XKR9: variants seen among roughly 807,000 people sequenced by gnomAD.
The protein encoded by XKR9 is XK related 9.
In XKR9, 32 loss-of-function variants were observed where a neutral mutation model predicts 32.0. The ratio of observed to expected loss-of-function variants is 1.00; its 90% confidence interval spans 0.76 to 1.34. XKR9 has a LOEUF of 1.34. Ranked by LOEUF, XKR9 falls within the 40% of genes most tolerant of loss-of-function variation. The pLI is 0.00. For synonymous variants in XKR9, 168 were observed against 143.4 expected (o/e 1.17, Z -1.22); for missense variants, 546 against 429.7 (o/e 1.27, Z -2.39).
At chr8:70,748,977 C>T (rs1457323887) in intron 2 of XKR9, among the ~76,000 whole-genome samples, 2 of 152,148 alleles carry the variant, frequency 1.3e-5, no homozygotes, top group Admixed American at 6.5e-5. Context: ...CCATAGGTCT[C>T]CTCTGTGCTG....
intron 3 of XKR9, among the ~76,000 whole-genome samples, chr8:70,706,012 C>T (rs188890834): frequency 2.0e-4 from 31 of 152,248 alleles, no homozygotes; most frequent in Non-Finnish European, 3.7e-4. Context: ...ATTATTCCCA[C>T]ATTTTTGGTC....
At chr8:70,966,507 AT>A in the XKR9 span, among the ~76,000 whole-genome samples, 1 of 152,152 alleles carries the variant, frequency 6.6e-6, no homozygotes, top group Non-Finnish European at 1.5e-5. Flanking sequence ...GTTCTTTTGC[AT>A]TTGCTGAGGA....
chr8:70,965,499 G>A, the XKR9 span, among the ~76,000 whole-genome samples: 2 of 152,112 alleles, frequency 1.3e-5, no homozygotes, highest in Non-Finnish European at 2.9e-5. Flanking sequence ...GTTTTCAATT[G>A]TTTGGAATTG....
chr8:70,928,425 A>G, the XKR9 span, among the ~76,000 whole-genome samples: 1 of 152,126 alleles, frequency 6.6e-6, no homozygotes, highest in East Asian at 1.9e-4. Flanking sequence ...AGCACAACCC[A>G]TTTGATAAAA....
the XKR9 span, among the ~76,000 whole-genome samples, chr8:71,019,018 T>C: frequency 5.9e-5 from 9 of 152,362 alleles, no homozygotes; most frequent in Admixed American, 2.0e-4. Context: ...GACAGCTCCA[T>C]TCCACCTAGT....
chr8:70,812,237 A>C, the XKR9 span, among the ~76,000 whole-genome samples: 1 of 152,218 alleles, frequency 6.6e-6, no homozygotes, highest in African/African-American at 2.4e-5. Context: ...GACAAAATTC[A>C]ACAACCCTTC....
chr8:71,058,637 A>G, the XKR9 span, among the ~76,000 whole-genome samples: 2 of 152,358 alleles, frequency 1.3e-5, no homozygotes, highest in South Asian at 2.1e-4. Context: ...GTGCAGCATC[A>G]TTGAAGACAC....
intron 4 of XKR9, among the ~76,000 whole-genome samples, chr8:70,726,216 G>A (rs549152241): frequency 2.0e-5 from 3 of 152,264 alleles, no homozygotes; most frequent in African/African-American, 7.2e-5. Flanking sequence ...ACATTATGGG[G>A]ACAATGCCCC....
the XKR9 span, among the ~76,000 whole-genome samples, chr8:70,842,319 T>C: frequency 6.6e-6 from 1 of 152,206 alleles, no homozygotes; most frequent in Non-Finnish European, 1.5e-5. Flanking sequence ...TTTTACCATT[T>C]GGCACCAAAA....
chr8:70,997,189 C>T, the XKR9 span, among the ~76,000 whole-genome samples: 620 of 152,062 alleles, frequency 4.1e-3, 32 homozygotes, highest in East Asian at 0.097. Flanking sequence ...CCCAGCTACT[C>T]AGGAGGTTGA....
At chr8:70,933,340 G>A in the XKR9 span, among the ~76,000 whole-genome samples, 1 of 152,066 alleles carries the variant, frequency 6.6e-6, no homozygotes, top group African/African-American at 2.4e-5. Flanking sequence ...AAACCCAAAG[G>A]AATAATGGGA....
chr8:70,851,562 A>T, the XKR9 span, among the ~76,000 whole-genome samples: 1 of 152,220 alleles, frequency 6.6e-6, no homozygotes. Context: ...CCAAAACAGC[A>T]TGGTACTGGA....
At chr8:70,688,771 C>T (rs1353339613) in intron 3 of XKR9, among the ~76,000 whole-genome samples, 1 of 150,790 alleles carries the variant, frequency 6.6e-6, no homozygotes, top group East Asian at 1.9e-4. Context: ...CCAGTATATG[C>T]AGCATGAAAA....
chr8:70,707,213 A>T (rs1040824960), intron 4 of XKR9, 60 bp downstream of exon 4: 5 of 1,347,232 alleles, frequency 3.7e-6, no homozygotes, highest in Non-Finnish European at 4.1e-6. Flanking sequence ...CGTCAACTAT[A>T]TAAATCTTTG....
At chr8:70,846,038 A>C in the XKR9 span, among the ~76,000 whole-genome samples, 4 of 152,174 alleles carry the variant, frequency 2.6e-5, no homozygotes, top group Non-Finnish European at 4.4e-5. Context: ...AGATAATTCT[A>C]AAAACAGCAA....
chr8:70,912,410 T>C, the XKR9 span, among the ~76,000 whole-genome samples: 1 of 152,066 alleles, frequency 6.6e-6, no homozygotes, highest in African/African-American at 2.4e-5. Context: ...GGGCAGAATC[T>C]AGACACAATA....
chr8:70,870,062 A>C, the XKR9 span, among the ~76,000 whole-genome samples: 6 of 152,212 alleles, frequency 3.9e-5, no homozygotes, highest in Non-Finnish European at 7.3e-5. Context: ...TCAGTTATAA[A>C]ATTCTGTGAC....
At chr8:70,894,414 C>T in the XKR9 span, among the ~76,000 whole-genome samples, 24 of 152,220 alleles carry the variant, frequency 1.6e-4, no homozygotes, top group African/African-American at 3.1e-4. Flanking sequence ...AGAGTTCTTA[C>T]GCCTGTAGGG....
the XKR9 span, among the ~76,000 whole-genome samples, chr8:71,007,526 AAC>A: frequency 1.3e-5 from 2 of 152,206 alleles, no homozygotes; most frequent in Non-Finnish European, 2.9e-5. Context: ...AAGAAACAAA[AAC>A]AGTGTGAGAA....
Sources: allele counts gnomAD v4.1 joint callset (sites outside exome capture counted in the v4.1 genomes callset), GRCh38; gene constraint gnomAD v4.1.1; transcripts MANE v1.5; gene names NCBI Gene and HGNC (gene_info 2026-07-23, HGNC 2026-07-21).